ST8SIA2: variants seen among roughly 807,000 people sequenced by gnomAD.
The protein encoded by ST8SIA2 is alpha-2,8-sialyltransferase 8B.
Under a neutral mutation model 37.6 loss-of-function variants are expected in ST8SIA2, and 22 were observed. The observed-to-expected ratio is 0.58, with a 90% CI of 0.42 to 0.83. ST8SIA2 has a LOEUF of 0.83. Among genes scored for constraint, ST8SIA2 ranks in the 40% least tolerant of loss-of-function variants. The pLI is 0.00. For missense variants in ST8SIA2, 382 were observed against 484.7 expected (o/e 0.79, Z 1.99); for synonymous variants, 205 against 201.2 (o/e 1.02, Z -0.16).
chr15:92,422,750 G>C (rs566080840), intron 1 of ST8SIA2: 4 of 152,788 alleles, frequency 2.6e-5, no homozygotes, highest in Admixed American at 6.5e-5. Context: ...ACCTTTGGTT[G>C]TTCTGCAGAC....
chr15:92,460,711 T>C (rs1213475414), intron 5 of ST8SIA2, among the ~76,000 whole-genome samples: 1 of 152,222 alleles, frequency 6.6e-6, no homozygotes. Context: ...CAAAGGGCCG[T>C]GTGGGGTAGT....
At chr15:92,416,236 T>A (rs1472608241) in intron 1 of ST8SIA2, among the ~76,000 whole-genome samples, 6 of 45,482 alleles carry the variant, frequency 1.3e-4, no homozygotes, top group Admixed American at 2.1e-4. Flanking sequence ...GAAGGGGGGG[T>A]GGGGGTGTGG....
chr15:92,441,519 A>C (rs1033812036), intron 4 of ST8SIA2, among the ~76,000 whole-genome samples: 3 of 151,584 alleles, frequency 2.0e-5, no homozygotes, highest in Non-Finnish European at 4.4e-5. Flanking sequence ...TCTATCTGGG[A>C]TCGTGTGTGC....
rs751302810 is a variant in ST8SIA2, at chr15:92,444,954, T to C, written c.842+25T>C. On this transcript the variant is annotated intron_variant, in intron 5 of 5. Transcript: ENST00000268164. ...GGTGAGCGGCCTCCCTACAGGCCAG[T>C]AGGACCGTCACTAAGTGTGGGAGAT... is the stretch of plus-strand genomic sequence containing the variant. 2.5e-6 allele frequency: 4 copies of C among 1,605,102 alleles called. No homozygotes were observed. The South Asian group carries it at 3.3e-5, about 13-fold the overall frequency.
At chr15:92,422,666 G>T (rs532939034) in intron 1 of ST8SIA2, 1 of 152,654 alleles carries the variant, frequency 6.6e-6, no homozygotes, top group Non-Finnish European at 1.5e-5. Context: ...GTCAACCAAG[G>T]CTGCGGCCCC....
chr15:92,424,693 C>T (rs1433531245), intron 1 of ST8SIA2, among the ~76,000 whole-genome samples: 1 of 151,508 alleles, frequency 6.6e-6, no homozygotes, highest in Non-Finnish European at 1.5e-5. Context: ...CTCACTGCAA[C>T]CTCTGCCTCC....
At position 92,464,187 on chromosome 15, in the gene ST8SIA2, C is replaced by T; in HGVS notation, c.930C>T (p.Ile310=). Residue 310 remains isoleucine (I), a synonymous_variant, in exon 6 of 6, where the codon ATC becomes ATT. Coordinates refer to ENST00000268164, the MANE Select transcript of ST8SIA2 (RefSeq NM_006011.4). ...TGGCCACACGTTTCTGCAAACAAATCTACCTCTACGGCTTCTGGCCCTTTC... is the reference window on the plus strand; with the variant it reads ...TGGCCACACGTTTCTGCAAACAAATTTACCTCTACGGCTTCTGGCCCTTTC... ...YTLATRFCKQ[I]YLYGFWPFPL... is the part of the protein sequence containing the mutation. The T allele has an allele frequency of 6.5e-7, 1 of 1,528,458 alleles. No individual in the cohort carries two copies. The allele number at this position is 1,528,458 out of a possible 1,614,324, so 94.7% of individuals were successfully genotyped here.
intron 2 of ST8SIA2, among the ~76,000 whole-genome samples, chr15:92,433,890 C>T (rs2049735116): frequency 6.6e-6 from 1 of 152,030 alleles, no homozygotes; most frequent in Admixed American, 6.6e-5. Flanking sequence ...TACTTTGTTG[C>T]TCATATACCT....
chr15:92,437,976 G>T (rs766879012), intron 3 of ST8SIA2, among the ~76,000 whole-genome samples: 1 of 152,184 alleles, frequency 6.6e-6, no homozygotes, highest in African/African-American at 2.4e-5. Context: ...GGGCTTTCAG[G>T]GACATGGGGC....
At chr15:92,395,718 G>A (rs1596225286) in intron 1 of ST8SIA2, among the ~76,000 whole-genome samples, 1 of 152,178 alleles carries the variant, frequency 6.6e-6, no homozygotes, top group Admixed American at 6.5e-5. Flanking sequence ...TGGAAGATGC[G>A]GTGAGGAGGG....
intron 5 of ST8SIA2, among the ~76,000 whole-genome samples, chr15:92,460,084 C>T (rs16946954): frequency 0.018 from 2,689 of 152,308 alleles, 92 homozygotes; most frequent in African/African-American, 0.061. Context: ...TGCTCAGTCA[C>T]GTGCCCTGCA....
At chr15:92,396,555 A>G (rs767983448) in intron 1 of ST8SIA2, among the ~76,000 whole-genome samples, 41 of 150,804 alleles carry the variant, frequency 2.7e-4, no homozygotes, top group South Asian at 2.1e-4. Context: ...GTGCAGTGGC[A>G]CAATCTCGGC....
At chr15:92,402,746 G>C (rs997691452) in intron 1 of ST8SIA2, among the ~76,000 whole-genome samples, 2 of 152,088 alleles carry the variant, frequency 1.3e-5, no homozygotes, top group African/African-American at 4.8e-5. Context: ...ACACCGCTCT[G>C]CCTCTGCCTC....
chr15:92,404,595 G>A (rs2049494250), intron 1 of ST8SIA2, among the ~76,000 whole-genome samples: 1 of 151,346 alleles, frequency 6.6e-6, no homozygotes. Context: ...GCCGAGGTGG[G>A]TGGATTACCT....
chr15:92,436,091 T>A (rs1407457286), intron 3 of ST8SIA2, among the ~76,000 whole-genome samples: 2 of 152,320 alleles, frequency 1.3e-5, no homozygotes, highest in East Asian at 3.9e-4. Flanking sequence ...AGGACACCTG[T>A]CATTGTATTT....
At chr15:92,460,225 C>T (rs907762966) in intron 5 of ST8SIA2, among the ~76,000 whole-genome samples, 3 of 152,220 alleles carry the variant, frequency 2.0e-5, no homozygotes, top group African/African-American at 7.2e-5. Flanking sequence ...ACCCACCAGT[C>T]ATCACAGGAG....
intron 1 of ST8SIA2, among the ~76,000 whole-genome samples, chr15:92,395,638 A>G (rs1677834304): frequency 6.6e-6 from 1 of 152,228 alleles, no homozygotes; most frequent in South Asian, 2.1e-4. Flanking sequence ...TAAACATGCT[A>G]CTTTTCATAG....
In ST8SIA2 at chr15:92,466,456, T is replaced by C. The variant is rs1014523325; in HGVS notation, c.*2071T>C. 6.6e-6 allele frequency: 1 copy of C among 152,090 alleles called. No homozygotes were observed. Among genetic ancestry groups the C allele is most frequent in the East Asian group, 1.9e-4 (1 of 5,174 alleles). The allele number at this position is 152,090 out of a possible 1,614,324, so 9.4% of individuals were successfully genotyped here. On this transcript the variant is annotated 3_prime_UTR_variant, in exon 6 of 6. Coordinates refer to ENST00000268164, the MANE Select transcript of ST8SIA2 (RefSeq NM_006011.4). ...TGGTGGATTAACCAAGGCCTTGGATTCCAGAATGTTTCATGGTAAGCACTG... is the reference window on the plus strand; with the variant it reads ...TGGTGGATTAACCAAGGCCTTGGATCCCAGAATGTTTCATGGTAAGCACTG...
chr15:92,408,162 A>G (rs2049521748), intron 1 of ST8SIA2, among the ~76,000 whole-genome samples: 1 of 152,112 alleles, frequency 6.6e-6, no homozygotes, highest in Non-Finnish European at 1.5e-5. Flanking sequence ...CCTTGAATAA[A>G]ACAACCTTAT....
Sources: allele counts gnomAD v4.1 joint callset (sites outside exome capture counted in the v4.1 genomes callset), GRCh38; gene constraint gnomAD v4.1.1; transcripts MANE v1.5; gene names NCBI Gene and HGNC (gene_info 2026-07-23, HGNC 2026-07-21).